PIWIL1: variants seen among roughly 807,000 people sequenced by gnomAD.
PIWIL1 encodes the protein piwi like RNA-mediated gene silencing 1.
PIWIL1 carries 73 observed loss-of-function variants against 114.4 expected under a neutral mutation model. That is an observed-to-expected ratio of 0.64 (90% CI 0.53 to 0.78). The LOEUF (loss-of-function observed/expected upper bound fraction) is 0.78. Among genes scored for constraint, PIWIL1 ranks in the 30% least tolerant of loss-of-function variants. The pLI is 0.00. For synonymous variants in PIWIL1, 375 were observed against 369.0 expected (o/e 1.02, Z -0.19); for missense variants, 723 against 1,063.1 (o/e 0.68, Z 4.45).
At chr12:130,354,494 G>A (rs201349482) in intron 9 of PIWIL1, 43 bp from the exon 10 acceptor site, 767 of 1,611,718 alleles carry the variant, frequency 4.8e-4, no homozygotes, top group Non-Finnish European at 6.2e-4. Context: ...GATGCTACTC[G>A]AGGCATTTGC....
At chr12:130,403,524 T>C in the PIWIL1 span, among the ~76,000 whole-genome samples, 23 of 152,342 alleles carry the variant, frequency 1.5e-4, 1 homozygote, top group African/African-American at 5.5e-4. Context: ...GATATGTAGA[T>C]TGTTAAAAAC....
chr12:130,410,268 A>G, the PIWIL1 span, among the ~76,000 whole-genome samples: 4 of 152,128 alleles, frequency 2.6e-5, no homozygotes, highest in African/African-American at 9.7e-5. Flanking sequence ...GTCTTTGTGT[A>G]TTCTGAATGC....
intron 1 of PIWIL1, among the ~76,000 whole-genome samples, chr12:130,341,627 A>C (rs889841300): frequency 6.6e-6 from 1 of 152,228 alleles, no homozygotes; most frequent in African/African-American, 2.4e-5. Context: ...GGCCAGTGTG[A>C]GTTCTCATTT....
the PIWIL1 span, chr12:130,422,603 T>G: frequency 6.4e-6 from 9 of 1,404,046 alleles, no homozygotes; most frequent in African/African-American, 9.9e-5. The surrounding 1 kb of genome is among the most constrained non-coding windows in gnomAD (Gnocchi z 5.2). Flanking sequence ...CTCGCCAGCA[T>G]TGGGAACTGA....
At chr12:130,354,498 C>G (rs374570688) in intron 9 of PIWIL1, 39 bp from the exon 10 acceptor site, 181 of 1,613,106 alleles carry the variant, frequency 1.1e-4, no homozygotes, top group Non-Finnish European at 1.4e-4. Flanking sequence ...CTACTCGAGG[C>G]ATTTGCCGTG....
the PIWIL1 span, among the ~76,000 whole-genome samples, chr12:130,411,708 G>C: frequency 6.6e-6 from 1 of 152,176 alleles, no homozygotes; most frequent in East Asian, 1.9e-4. Flanking sequence ...GAGTAGAGGG[G>C]ATAAAGGGCT....
chr12:130,342,779 A>T (rs1198198910), intron 2 of PIWIL1, 110 bp downstream of exon 2: 2 of 861,896 alleles, frequency 2.3e-6, no homozygotes, highest in Non-Finnish European at 3.8e-6. Context: ...GAAGTGAGCA[A>T]GGGAGATCAT....
rs756348886 is a variant in PIWIL1, at chr12:130,345,888, T to C, written c.316+10T>C. 6.2e-7 allele frequency: 1 copy of C among 1,612,740 alleles called. No individual in the cohort carries two copies. Reference sequence around the variant, plus strand: ...AAAGAATCAAAAACAGGTAGGTTAATTAAGAATAAGTTTTGTGAGATTACA... The same window carrying C: ...AAAGAATCAAAAACAGGTAGGTTAACTAAGAATAAGTTTTGTGAGATTACA... On this transcript the variant is annotated intron_variant, in intron 4 of 20. Transcript: ENST00000245255.
the PIWIL1 span, among the ~76,000 whole-genome samples, chr12:130,412,452 C>T: frequency 0.37 from 56,657 of 151,966 alleles, 11,603 homozygotes; most frequent in African/African-American, 0.53. Flanking sequence ...AGTCCTGGTT[C>T]GTAGGGTGGC....
intron 16 of PIWIL1, among the ~76,000 whole-genome samples, 165 bp from the exon 17 acceptor site, chr12:130,362,601 T>G (rs1394626932): frequency 6.6e-6 from 1 of 152,234 alleles, no homozygotes; most frequent in Non-Finnish European, 1.5e-5. Flanking sequence ...ATCCTGCTCC[T>G]TCTGTGTAAG....
At chr12:130,369,743 T>C (rs1171328624) in intron 19 of PIWIL1, among the ~76,000 whole-genome samples, 4 of 152,164 alleles carry the variant, frequency 2.6e-5, no homozygotes, top group African/African-American at 9.7e-5. Flanking sequence ...TGTTTTTTTT[T>C]CTTGTAAATT....
At chr12:130,394,331 G>A in the PIWIL1 span, among the ~76,000 whole-genome samples, 5 of 152,230 alleles carry the variant, frequency 3.3e-5, no homozygotes, top group East Asian at 1.9e-4. Context: ...CCTGGAGTCC[G>A]ACTGCAACAG....
the PIWIL1 span, among the ~76,000 whole-genome samples, chr12:130,423,562 C>T: frequency 5.3e-4 from 80 of 150,426 alleles, no homozygotes; most frequent in Middle Eastern, 0.014. Context: ...ACGGCAGGGC[C>T]GGCGGGGAGA....
chr12:130,360,522 A>G (rs1331100088), intron 14 of PIWIL1, among the ~76,000 whole-genome samples: 2 of 152,112 alleles, frequency 1.3e-5, no homozygotes, highest in Non-Finnish European at 2.9e-5. Flanking sequence ...AGTCCCAGCT[A>G]CTCTGGGGGC....
chr12:130,340,509 T>C (rs1262508717), intron 1 of PIWIL1, among the ~76,000 whole-genome samples: 1 of 151,880 alleles, frequency 6.6e-6, no homozygotes, highest in Admixed American at 6.6e-5. Flanking sequence ...GAGAATCTAA[T>C]GCCTCCACTG....
At chr12:130,361,077 T>G in intron 14 of PIWIL1, 103 bp from the exon 15 acceptor site, 1 of 909,308 alleles carries the variant, frequency 1.1e-6, no homozygotes, top group South Asian at 1.6e-5. Flanking sequence ...ATGATCATGT[T>G]CTTGACATTG....
the PIWIL1 span, among the ~76,000 whole-genome samples, chr12:130,404,795 T>C: frequency 1.1e-3 from 172 of 152,236 alleles, 1 homozygote; most frequent in African/African-American, 3.9e-3. Context: ...GGTGGGACTC[T>C]TTACAAAATG....
the PIWIL1 span, among the ~76,000 whole-genome samples, chr12:130,409,069 T>TATG: frequency 6.6e-6 from 1 of 152,202 alleles, no homozygotes; most frequent in African/African-American, 2.4e-5. Flanking sequence ...ATGTTACAAG[T>TATG]ATGACTTTTG....
At chr12:130,374,643 G>T (rs77256168), downstream of PIWIL1, among the ~76,000 whole-genome samples, 1 of 152,064 alleles carries the variant, frequency 6.6e-6, no homozygotes, top group Non-Finnish European at 1.5e-5. Context: ...TCTGCACTGC[G>T]GAGTCCAGCG....
Sources: gnomAD v4.1 joint callset for allele counts (sites outside exome capture counted in the v4.1 genomes callset) on GRCh38, gnomAD v4.1.1 for gene constraint, Gnocchi (gnomAD v3.1) non-coding constraint, MANE v1.5 for transcripts, NCBI Gene and HGNC (gene_info 2026-07-23, HGNC 2026-07-21) for gene names.